The following AOPEP variants were observed in gnomAD, a reference collection of about 807,000 sequenced individuals.
AOPEP encodes aminopeptidase O.
In AOPEP, 77 loss-of-function variants were observed where a neutral mutation model predicts 98.1. The ratio of observed to expected loss-of-function variants is 0.78; its 90% CI spans 0.65 to 0.95. AOPEP has a LOEUF of 0.95. Among genes scored for constraint, AOPEP ranks in the 40% least tolerant of loss-of-function variants. The probability of loss-of-function intolerance (pLI) is 0.00; values close to 1 mark genes in which losing one functional copy is unlikely to be tolerated. For missense variants in AOPEP, 1,024 were observed against 1,024.7 expected (o/e 1.00, Z 0.01); for synonymous variants, 346 against 365.3 (o/e 0.95, Z 0.60).
At chr9:94,923,851 C>A in intron 5 of AOPEP, 135 bp from the exon 6 acceptor site, 1 of 498,488 alleles carries the variant, frequency 2.0e-6, no homozygotes, top group Non-Finnish European at 3.2e-6. Flanking sequence ...GCATCTAAGC[C>A]GCAAGCCTAT....
chr9:95,107,755 C>G, the AOPEP span, among the ~76,000 whole-genome samples: 25 of 152,220 alleles, frequency 1.6e-4, no homozygotes, highest in Non-Finnish European at 3.5e-4. Flanking sequence ...CACACATGCA[C>G]GCACGTGTAC....
At chr9:94,995,725 A>G (rs2061177731) in intron 11 of AOPEP, among the ~76,000 whole-genome samples, 1 of 152,230 alleles carries the variant, frequency 6.6e-6, no homozygotes, top group African/African-American at 2.4e-5. Context: ...CTCCTAGAAG[A>G]TAGATTTAAT....
At chr9:94,962,351 A>G (rs1320068889) in intron 9 of AOPEP, among the ~76,000 whole-genome samples, 2 of 151,982 alleles carry the variant, frequency 1.3e-5, no homozygotes, top group African/African-American at 2.4e-5. Flanking sequence ...AGATATTCCT[A>G]TTTTTTCCCA....
At chr9:94,733,105 C>CTTTTTTTTTTTT (rs537104658) in intron 1 of AOPEP, among the ~76,000 whole-genome samples, 1 of 128,942 alleles carries the variant, frequency 7.8e-6, no homozygotes, top group African/African-American at 2.9e-5. Flanking sequence ...TTTTCTTTCT[C>CTTTTTTTTTTTT]TTTTTTTTTT....
At chr9:95,113,116 C>G in the AOPEP span, among the ~76,000 whole-genome samples, 1 of 152,170 alleles carries the variant, frequency 6.6e-6, no homozygotes, top group East Asian at 1.9e-4. Context: ...GTGTGGGGGG[C>G]CGACTGGCCA....
intron 1 of AOPEP, among the ~76,000 whole-genome samples, chr9:94,727,498 C>T (rs1434443284): frequency 6.6e-6 from 1 of 152,076 alleles, no homozygotes; most frequent in Non-Finnish European, 1.5e-5. Context: ...AGTAACATAA[C>T]CCGCTAGGGA....
intron 13 of AOPEP, among the ~76,000 whole-genome samples, chr9:95,012,977 G>GT (rs373067434): frequency 0.071 from 1,560 of 21,834 alleles, 80 homozygotes; most frequent in African/African-American, 0.16. Context: ...GAGTTTTCCT[G>GT]TTTTTTTTTT....
chr9:94,926,695 C>T (rs1229157289), intron 6 of AOPEP, among the ~76,000 whole-genome samples: 3 of 151,094 alleles, frequency 2.0e-5, no homozygotes, highest in East Asian at 2.0e-4. Context: ...AGGCCCCACC[C>T]GGGAGCAGGG....
intron 7 of AOPEP, among the ~76,000 whole-genome samples, chr9:94,952,469 C>A (rs540149887): frequency 8.5e-5 from 13 of 152,260 alleles, no homozygotes; most frequent in Admixed American, 3.3e-4. Flanking sequence ...GATCTCTATC[C>A]CCATAGGTCA....
At chr9:94,933,158 C>G in intron 7 of AOPEP, 1 of 985,750 alleles carries the variant, frequency 1.0e-6, no homozygotes, top group Non-Finnish European at 1.2e-6. Context: ...GTCATCTATC[C>G]CCTGCCTACA....
At chr9:94,916,629 G>A (rs10993394) in intron 5 of AOPEP, among the ~76,000 whole-genome samples, 50,337 of 150,986 alleles carry the variant, frequency 0.33, 9,365 homozygotes, top group Non-Finnish European at 0.43. Context: ...GCTTGAACCC[G>A]GGAGGTGGAG....
chr9:95,094,665 CTCTTTTT>C, the AOPEP span, among the ~76,000 whole-genome samples: 10 of 152,146 alleles, frequency 6.6e-5, no homozygotes, highest in South Asian at 2.1e-4. Flanking sequence ...GGATCTCTGC[CTCTTTTT>C]TCTTTTTTCT....
At chr9:95,082,332 C>G (rs1051480758) in intron 15 of AOPEP, among the ~76,000 whole-genome samples, 1 of 152,234 alleles carries the variant, frequency 6.6e-6, no homozygotes, top group African/African-American at 2.4e-5. Context: ...GTGAAATCGT[C>G]AGAGTCTGTG....
At chr9:95,142,299 A>G in the AOPEP span, 2 of 151,304 alleles carry the variant, frequency 1.3e-5, no homozygotes. Context: ...GGCCACCAAC[A>G]GTTTTTATTT....
the AOPEP span, among the ~76,000 whole-genome samples, chr9:95,092,487 G>A: frequency 6.6e-6 from 1 of 152,194 alleles, no homozygotes; most frequent in Non-Finnish European, 1.5e-5. Flanking sequence ...GCCTGGGGCC[G>A]CCTGCCCAGA....
At chr9:94,879,597 C>G (rs1181272795) in intron 5 of AOPEP, among the ~76,000 whole-genome samples, 1 of 152,212 alleles carries the variant, frequency 6.6e-6, no homozygotes, top group East Asian at 1.9e-4. Flanking sequence ...TTCTTAGCTG[C>G]TGGCACAGCA....
chr9:95,000,581 G>A (rs1452232390), intron 11 of AOPEP, among the ~76,000 whole-genome samples: 2 of 152,058 alleles, frequency 1.3e-5, no homozygotes, highest in Non-Finnish European at 2.9e-5. Context: ...GGTGGCAGGC[G>A]CCTGTAATCC....
At chr9:94,928,145 A>G (rs2054652962) in intron 6 of AOPEP, among the ~76,000 whole-genome samples, 1 of 152,262 alleles carries the variant, frequency 6.6e-6, no homozygotes, top group Non-Finnish European at 1.5e-5. Context: ...CTCTCTCCAG[A>G]CCAGGTGTGT....
chr9:95,093,152 G>A, the AOPEP span, among the ~76,000 whole-genome samples: 1 of 151,352 alleles, frequency 6.6e-6, no homozygotes, highest in Non-Finnish European at 1.5e-5. Flanking sequence ...TAAGTTAAAA[G>A]CGTGGAGGAA....
Sources: gnomAD v4.1 joint callset for allele counts (sites outside exome capture counted in the v4.1 genomes callset) on GRCh38, gnomAD v4.1.1 for gene constraint, MANE v1.5 for transcripts, NCBI Gene and HGNC (gene_info 2026-07-23, HGNC 2026-07-21) for gene names.